The following FYTTD1 variants were observed in gnomAD, a reference collection of about 807,000 sequenced individuals.
FYTTD1 encodes UAP56-interacting factor.
FYTTD1 carries 22 observed loss-of-function variants against 40.9 expected under a neutral mutation model. The ratio of observed to expected loss-of-function variants is 0.54; its 90% CI spans 0.38 to 0.77. FYTTD1 has a LOEUF of 0.77. Ranked by LOEUF, FYTTD1 falls within the 30% of genes least tolerant of loss-of-function variation. FYTTD1 has a pLI of 0.00. For missense variants in FYTTD1, 351 were observed against 392.2 expected (o/e 0.90, Z 0.89); for synonymous variants, 140 against 137.9 (o/e 1.01, Z -0.10).
At position 197,759,975 on chromosome 3, in the gene FYTTD1, A is replaced by G. The variant is rs1204539836; in HGVS notation, c.235+3418A>G. ...GAGTTGTTCCTCAGTGGTCGAATGTATGGAGTTCTTCAGTGGTAGAACATA... is the reference window on the plus strand; with the variant it reads ...GAGTTGTTCCTCAGTGGTCGAATGTGTGGAGTTCTTCAGTGGTAGAACATA... On this transcript the variant is annotated intron_variant, in intron 2 of 8. Transcript: ENST00000241502. 2.0e-5 allele frequency among the ~76,000 whole-genome samples: 3 copies of G among 151,326 alleles called. No individual in the cohort carries two copies. The East Asian group carries it at 5.9e-4, about 30-fold the overall frequency.
intron 2 of FYTTD1, among the ~76,000 whole-genome samples, chr3:197,759,809 G>A (rs565184224): frequency 6.6e-6 from 1 of 151,616 alleles, no homozygotes; most frequent in Non-Finnish European, 1.5e-5. Flanking sequence ...GTGGTAGAAC[G>A]TATAGAGTTG....
rs115553015 is a variant in FYTTD1 at position 197,783,811 on chromosome 3, T to G, written c.*1902T>G. On this transcript the variant is annotated 3_prime_UTR_variant, in exon 9 of 9. Transcript: ENST00000241502. Reference sequence around the variant, plus strand: ...TTCATTTTCCTGTTCTTACCTATTATTGTATAGAGCTATTCATGCCATTTT... The same window carrying G: ...TTCATTTTCCTGTTCTTACCTATTAGTGTATAGAGCTATTCATGCCATTTT... 2.6e-3 allele frequency: 404 copies of G among 152,714 alleles called. 1 individual carries two copies. Among genetic ancestry groups the G allele is most frequent in the African/African-American group, 9.3e-3 (386 of 41,586 alleles). 9.5% of individuals were successfully genotyped at this position (152,714 alleles called of 1,614,324 possible). A position where few individuals can be genotyped will look rare whatever the true frequency, so the allele number is the denominator to read the frequency against.
At chr3:197,776,884 C>T (rs1359688359) in intron 6 of FYTTD1, 43 bp from the exon 7 acceptor site, 11 of 1,297,648 alleles carry the variant, frequency 8.5e-6, no homozygotes, top group Non-Finnish European at 1.2e-5. Flanking sequence ...TAGGGTTTAT[C>T]AACTTACATT....
At chr3:197,749,629 A>G (rs1728921176), upstream of FYTTD1, 1 of 986,460 alleles carries the variant, frequency 1.0e-6, no homozygotes, top group Non-Finnish European at 1.4e-6. Context: ...GGATTATATC[A>G]CTGAAGGCAT....
At chr3:197,750,178 G>A in intron 1 of FYTTD1, 104 bp downstream of exon 1, 1 of 967,682 alleles carries the variant, frequency 1.0e-6, no homozygotes, top group Non-Finnish European at 1.5e-6. Context: ...GTTGCCGGCG[G>A]AGTTTTCTCG....
intron 8 of FYTTD1, among the ~76,000 whole-genome samples, chr3:197,779,191 G>C (rs924093097): frequency 7.9e-5 from 12 of 152,166 alleles, no homozygotes; most frequent in Non-Finnish European, 1.5e-5. Context: ...GAGGTGGGGA[G>C]ATCACCTGAA....
rs1728979461 is a variant in FYTTD1, at chr3:197,750,411, CTT to C, written c.103+339_103+340del. ...GGCTACGGCTCGCCGCTCGCCGGCT[CTT>C]TGTGAGGAAAGATCTGCCGGTTTCC... On this transcript the variant is annotated intron_variant, in intron 1 of 8. Coordinates refer to ENST00000241502, the MANE Select transcript of FYTTD1 (RefSeq NM_032288.7). 38 of 1,047,758 alleles carry C rather than the reference CTT, an allele frequency of 3.6e-5. No homozygotes were observed. In the South Asian group the frequency reaches 1.6e-3, roughly 45 times the overall value. The allele number at this position is 1,047,758 out of a possible 1,614,324, so 64.9% of individuals were successfully genotyped here. A position where few individuals can be genotyped will look rare whatever the true frequency, so the allele number is the denominator to read the frequency against.
intron 2 of FYTTD1, among the ~76,000 whole-genome samples, chr3:197,760,082 G>A (rs1729333192): frequency 2.0e-5 from 3 of 151,638 alleles, no homozygotes; most frequent in African/African-American, 4.8e-5. Context: ...GTGGTAGAAC[G>A]TATAGAATGT....
At chr3:197,774,347 G>A in intron 6 of FYTTD1, 137 bp downstream of exon 6, 1 of 706,158 alleles carries the variant, frequency 1.4e-6, no homozygotes, top group Non-Finnish European at 2.4e-6. Context: ...GGGCATAGTG[G>A]TGCTACACAC....
chr3:197,756,208 A>G (rs1273227693), intron 1 of FYTTD1, among the ~76,000 whole-genome samples: 1 of 152,156 alleles, frequency 6.6e-6, no homozygotes, highest in African/African-American at 2.4e-5. Flanking sequence ...TGCTTGATTC[A>G]TCAGGTAAAG....
Position 197,778,480 on chromosome 3 carries a change from C to CTG in FYTTD1, c.858+18_858+19dup, listed in dbSNP as rs1461583460. ...CGGAAAACAGGTAAAAAAACGTTTT[C>CTG]TGTATTTTCTTGGGTCATTTGCTGA... On this transcript the variant is annotated intron_variant, in intron 8 of 8. Transcript: ENST00000241502. 1.9e-6 allele frequency: 3 copies of CTG among 1,569,288 alleles called. No homozygotes were observed. The African/African-American group carries it at 4.1e-5, about 21-fold the overall frequency.
chr3:197,763,698 ATTTGTATGTTGC>A (rs1431146666), intron 2 of FYTTD1: 1 of 211,824 alleles, frequency 4.7e-6, no homozygotes, highest in Non-Finnish European at 9.8e-6. Context: ...AGTTGGGAAT[ATTTGTATGTTGC>A]TTTGGAAAGG....
In FYTTD1 at chr3:197,768,599, G is replaced by A. The variant is rs774110205; in HGVS notation, c.384+12G>A. The A allele has an allele frequency of 1.5e-5, 24 of 1,601,998 alleles. No individual in the cohort carries two copies. The South Asian group carries it at 2.7e-4, about 18-fold the overall frequency. ...CTCTAAGTGACAAGGTAGGATGATG[G>A]CTTAATCCTGGATTAGATATCCTTT... On this transcript the variant is annotated intron_variant, in intron 3 of 8. Coordinates refer to ENST00000241502, the MANE Select transcript of FYTTD1 (RefSeq NM_032288.7).
intron 2 of FYTTD1, among the ~76,000 whole-genome samples, chr3:197,757,124 T>C (rs529582875): frequency 6.6e-6 from 1 of 152,238 alleles, no homozygotes; most frequent in Non-Finnish European, 1.5e-5. Context: ...ATCCAAGAAC[T>C]TTAGGATTTG....
At chr3:197,776,772 A>G (rs369740997) in intron 6 of FYTTD1, among the ~76,000 whole-genome samples, 155 bp from the exon 7 acceptor site, 3 of 152,274 alleles carry the variant, frequency 2.0e-5, no homozygotes, top group East Asian at 3.9e-4. Flanking sequence ...CGCACCCAAG[A>G]TGTTGATTTA....
upstream of FYTTD1, chr3:197,749,601 G>A: frequency 8.8e-7 from 1 of 1,135,554 alleles, no homozygotes; most frequent in Non-Finnish European, 1.2e-6. Context: ...GCAGCAGGAG[G>A]GACTCGAAGG....
intron 2 of FYTTD1, among the ~76,000 whole-genome samples, chr3:197,759,458 G>A (rs532166336): frequency 6.6e-6 from 1 of 150,782 alleles, no homozygotes; most frequent in East Asian, 2.0e-4. Context: ...TGTATAGAGT[G>A]TTCTTCAGTG....
chr3:197,774,005 G>A, intron 5 of FYTTD1, 144 bp from the exon 6 acceptor site: 1 of 716,446 alleles, frequency 1.4e-6, no homozygotes, highest in East Asian at 2.5e-5. Context: ...GCCCCACTGG[G>A]TTAGGAAGTT....
At chr3:197,772,432 T>C (rs577461258) in intron 4 of FYTTD1, among the ~76,000 whole-genome samples, 5 of 152,280 alleles carry the variant, frequency 3.3e-5, no homozygotes, top group Admixed American at 2.0e-4. Flanking sequence ...TAACTTCCTA[T>C]AGAAAACAAA....
Sources: gnomAD v4.1 joint callset for allele counts (sites outside exome capture counted in the v4.1 genomes callset) on GRCh38, gnomAD v4.1.1 for gene constraint, MANE v1.5 for transcripts, NCBI Gene and HGNC (gene_info 2026-07-23, HGNC 2026-07-21) for gene names.